The following POLR1B variants were observed in gnomAD, a reference collection of about 807,000 sequenced individuals.
POLR1B encodes the protein DNA-directed RNA polymerase I subunit RPA2.
A neutral mutation model predicts 105.8 loss-of-function variants in POLR1B; 30 were observed. That is an observed-to-expected ratio of 0.28 (90% confidence interval 0.21 to 0.38). The LOEUF is 0.38. Among genes scored for constraint, POLR1B ranks in the 10% least tolerant of loss-of-function variants. The pLI is 1.00. For missense variants in POLR1B, 976 were observed against 1,435.8 expected (o/e 0.68, Z 5.17); for synonymous variants, 485 against 505.1 (o/e 0.96, Z 0.53).
chr2:112,554,680 G>C (rs1441684717), intron 7 of POLR1B: 2 of 152,048 alleles, frequency 1.3e-5, no homozygotes, highest in Non-Finnish European at 2.9e-5. Context: ...TGGGCTCATT[G>C]TATTCCACAC....
rs147318400 is a variant in POLR1B at position 112,552,714 on chromosome 2, G to A, written c.1056G>A (p.Lys352=). 154 of 1,612,596 alleles carry A rather than the reference G, an allele frequency of 9.5e-5. No individual in the cohort carries two copies. The African/African-American group carries it at 1.8e-3, about 19-fold the overall frequency. The change falls in exon 7 of 15, where the codon AAG becomes AAA. Residue 352 remains lysine (K), a synonymous_variant. Transcript: ENST00000263331. ...KFYMLCLMTR[K]LFALAKGECM... ...ATATGCTTTGTCTCATGACGCGAAAGCTCTTTGCTTTAGCCAAAGGAGAGT... is the reference window on the plus strand; with the variant it reads ...ATATGCTTTGTCTCATGACGCGAAAACTCTTTGCTTTAGCCAAAGGAGAGT...
chr2:112,550,630 GT>G, intron 4 of POLR1B: 1 of 536,748 alleles, frequency 1.9e-6, no homozygotes, highest in Middle Eastern at 5.2e-4. Context: ...AAACTTTGAA[GT>G]TTGCTTAAAT....
At chr2:112,552,133 G>C (rs1683405923) in intron 6 of POLR1B, 135 bp downstream of exon 6, 2 of 625,374 alleles carry the variant, frequency 3.2e-6, no homozygotes, top group Non-Finnish European at 2.7e-6. Context: ...GTCCTTGCTA[G>C]CCGGGGGCTA....
chr2:112,573,658 A>C lies in POLR1B; in HGVS notation c.2368A>C (p.Ser790Arg), dbSNP rs1348040642. 6.2e-7 allele frequency: 1 copy of C among 1,614,204 alleles called. No homozygotes were observed. The highest frequency in any genetic ancestry group is 1.7e-5 in the Admixed American group (1 of 60,030). ...DLSEKIKQGD[S>R]SLVFGIKPGD... ...CTCTGAAAAAATTAAACAAGGAGATAGTAGCCTGGTGTTTGGCATCAAACC... is the reference window on the plus strand; with the variant it reads ...CTCTGAAAAAATTAAACAAGGAGATCGTAGCCTGGTGTTTGGCATCAAACC... The change falls in exon 14 of 15, where the codon AGT becomes CGT. Residue 790 changes from serine to arginine, a missense_variant. By Grantham distance (110) the Ser-to-Arg change is moderately radical. Coordinates refer to ENST00000263331, the MANE Select transcript of POLR1B (RefSeq NM_019014.6).
chr2:112,542,664 C>T lies in POLR1B; in HGVS notation c.170C>T (p.Ala57Val). ...GCTGTGCACGAGGGTCTCGGCCTCGCGGTGCAGGTGAGCGCGGCGTCCGCC... is the reference window on the plus strand; with the variant it reads ...GCTGTGCACGAGGGTCTCGGCCTCGTGGTGCAGGTGAGCGCGGCGTCCGCC... ...NYAVHEGLGL[A>V]VQAIPPFEFA... Residue 57 changes from alanine (A) to valine (V), a missense_variant, in exon 1 of 15, where the codon GCG becomes GTG. Transcript: ENST00000263331. 6.2e-7 allele frequency: 1 copy of T among 1,613,282 alleles called. No homozygotes were observed. The highest frequency in any genetic ancestry group is 8.5e-7 in the Non-Finnish European group (1 of 1,179,796).
At chr2:112,574,723 T>TAA (rs61116291) in intron 14 of POLR1B, 124 bp from the exon 15 acceptor site, 248 of 588,744 alleles carry the variant, frequency 4.2e-4, no homozygotes, top group South Asian at 5.5e-4. Context: ...CCCTGTATCA[T>TAA]AAAAAAAAAA....
chr2:112,567,637 C>A (rs369398239), intron 10 of POLR1B, among the ~76,000 whole-genome samples: 5 of 152,156 alleles, frequency 3.3e-5, no homozygotes, highest in African/African-American at 1.2e-4. Context: ...CTTTGGCCTC[C>A]TAAAGTGCTG....
In POLR1B at chr2:112,578,647, A is replaced by T. The variant is rs1286264222; in HGVS notation, c.*2918A>T. Among the ~76,000 whole-genome samples the T allele has an allele frequency of 6.6e-6, 1 of 152,208 alleles. No homozygotes were observed. The highest frequency in any genetic ancestry group is 1.5e-5 in the Non-Finnish European group (1 of 68,040). On this transcript the variant is annotated 3_prime_UTR_variant, in exon 15 of 15. Transcript: ENST00000263331. ...AAAGCTGATCTGAACAATCAGGTAT[A>T]ATAGTCCCCCTTTATCTTTGAAGAT...
chr2:112,576,165 G>A lies in POLR1B; in HGVS notation c.*436G>A, dbSNP rs1297749640. ...GTTGAAGTAAAAACAAACAGGTACAGTGTTTTTTACCAGCTTTATAGAAGT... is the reference window on the plus strand; with the variant it reads ...GTTGAAGTAAAAACAAACAGGTACAATGTTTTTTACCAGCTTTATAGAAGT... On this transcript the variant is annotated 3_prime_UTR_variant, in exon 15 of 15. Transcript: ENST00000263331. 6.1e-6 allele frequency: 1 copy of A among 162,776 alleles called. No homozygotes were observed. The highest frequency in any genetic ancestry group is 2.4e-5 in the African/African-American group (1 of 41,530). The allele number at this position is 162,776 out of a possible 1,614,324, so 10.1% of individuals were successfully genotyped here.
In POLR1B at chr2:112,551,955, C is replaced by T. The variant is rs781571201; in HGVS notation, c.943C>T (p.Pro315Ser). 6.2e-7 allele frequency: 1 copy of T among 1,614,182 alleles called. No homozygotes were observed. The highest frequency in any genetic ancestry group is 8.5e-7 in the Non-Finnish European group (1 of 1,180,024). The change falls in exon 6 of 15, where the codon CCT becomes TCT. Residue 315 changes from proline to serine, a missense_variant. By Grantham distance (74) the Pro-to-Ser change is moderately conservative (BLOSUM62 -1). Transcript: ENST00000263331. ...GECFRVKLNV[P>S]DWYPNEQAAE... The stretch of plus-strand genomic sequence containing the variant: ...ATGCTTCAGAGTAAAACTCAATGTT[C>T]CTGACTGGTACCCAAATGAGCAAGC...
At chr2:112,548,813 C>T (rs1439998284) in intron 3 of POLR1B, among the ~76,000 whole-genome samples, 2 of 152,104 alleles carry the variant, frequency 1.3e-5, no homozygotes, top group Admixed American at 6.6e-5. Context: ...GGGGTTTCAC[C>T]GTGTTAGCCA....
chr2:112,542,295 G>A, upstream of POLR1B: 3 of 1,529,024 alleles, frequency 2.0e-6, no homozygotes, highest in African/African-American at 1.4e-5. Context: ...GGCCTTAATC[G>A]GCCCGTTCAC....
At chr2:112,548,769 C>T (rs1460684241) in intron 3 of POLR1B, among the ~76,000 whole-genome samples, 1 of 152,112 alleles carries the variant, frequency 6.6e-6, no homozygotes, top group Non-Finnish European at 1.5e-5. Context: ...CCCACTACCA[C>T]GCCTGGCTAA....
chr2:112,559,239 A>G (rs1683830121), intron 8 of POLR1B, 54 bp from the exon 9 acceptor site: 1 of 1,595,494 alleles, frequency 6.3e-7, no homozygotes, highest in South Asian at 1.1e-5. Flanking sequence ...AGCCTCAACA[A>G]TTTCCATTTT....
chr2:112,559,306 A>T lies in POLR1B; in HGVS notation c.1344A>T (p.Leu448=), dbSNP rs758154850. ...NLRSKTGLGL[L]QDSGLCVVAD... ...TGTTTTATTAAGGTCTTGGCCTCCTACAAGATTCTGGACTTTGTGTTGTGG... is the reference window on the plus strand; with the variant it reads ...TGTTTTATTAAGGTCTTGGCCTCCTTCAAGATTCTGGACTTTGTGTTGTGG... Residue 448 remains leucine (L), a synonymous_variant, in exon 9 of 15, where the codon CTA becomes CTT. Transcript: ENST00000263331. 3.7e-6 allele frequency: 6 copies of T among 1,613,906 alleles called. No individual in the cohort carries two copies. The Admixed American group carries it at 1.0e-4, about 27-fold the overall frequency.
Position 112,542,616 on chromosome 2 carries a change from C to G in POLR1B, c.122C>G (p.Ala41Gly). 1 of 1,614,134 alleles carries G rather than the reference C, an allele frequency of 6.2e-7. No homozygotes were observed. Residue 41 changes from alanine (A) to glycine (G), a missense_variant, in exon 1 of 15, where the codon GCG becomes GGG. Coordinates refer to ENST00000263331, the MANE Select transcript of POLR1B (RefSeq NM_019014.6). ...GCAGCGTTGCAGGAGCTGACGCGGG[C>G]GCACGTGGAGTCCTTCAACTACGCT... Reference protein sequence around the residue: ...QKAALQELTRAHVESFNYAVH... With the variant: ...QKAALQELTRGHVESFNYAVH...
At position 112,574,849 on chromosome 2, in the gene POLR1B, G is replaced by A; in HGVS notation, c.2528G>A (p.Ser843Asn). 2.5e-6 allele frequency: 4 copies of A among 1,603,076 alleles called. No homozygotes were observed. The highest frequency in any genetic ancestry group is 3.4e-6 in the Non-Finnish European group (4 of 1,172,292). Residue 843 changes from serine (S) to asparagine (N), a missense_variant and splice_region_variant, in exon 15 of 15, where the codon AGT (serine) becomes AAT (asparagine). Ser to Asn is a conservative substitution (Grantham distance 46). This residue lies in a region of POLR1B where 119 missense variants were observed against 149.7 expected (regional missense o/e 0.79). Transcript: ENST00000263331. ...TGESFVMYYKSKENCVVDNIK... is the reference protein window; with the variant it reads ...TGESFVMYYKNKENCVVDNIK... ...TTATATGGTTTACTTTTTCCTAGGA[G>A]TAAAGAAAATTGTGTTGTGGATAAC...
At chr2:112,559,271 G>T in intron 8 of POLR1B, 22 bp from the exon 9 acceptor site, 1 of 1,606,316 alleles carries the variant, frequency 6.2e-7, no homozygotes, top group Non-Finnish European at 8.5e-7. Context: ...GCCCATTTTT[G>T]AATGACTTTT....
intron 4 of POLR1B, among the ~76,000 whole-genome samples, chr2:112,549,780 C>T (rs1015287120): frequency 1.3e-5 from 2 of 152,136 alleles, no homozygotes; most frequent in African/African-American, 4.8e-5. Context: ...ATCTGATGTA[C>T]AGCCTGGTGA....
Sources: gnomAD v4.1 joint callset for allele counts (sites outside exome capture counted in the v4.1 genomes callset) on GRCh38, gnomAD v4.1.1 for gene constraint, gnomAD v4.1.1 regional missense constraint, MANE v1.5 for transcripts, NCBI Gene and HGNC (gene_info 2026-07-23, HGNC 2026-07-21) for gene names.